The following PCDHA8 variants were observed in gnomAD, a reference collection of about 807,000 sequenced individuals.
PCDHA8 encodes protocadherin alpha 8.
Under a neutral mutation model 61.8 loss-of-function variants are expected in PCDHA8, and 53 were observed. That is an observed-to-expected ratio of 0.86 (90% CI 0.69 to 1.08). The LOEUF is 1.08. Among genes scored for constraint, PCDHA8 ranks in the 50% least tolerant of loss-of-function variants. The pLI, the probability that PCDHA8 is intolerant of heterozygous loss-of-function variation, is 0.00. For missense variants in PCDHA8, 1,293 were observed against 1,245.0 expected, an observed-to-expected ratio of 1.04 and a Z score of -0.58; for synonymous variants, 618 against 556.6, an observed-to-expected ratio of 1.11 and a Z score of -1.55.
chr5:140,851,773 T>C lies in PCDHA8; in HGVS notation c.2394+8058T>C. On this transcript the variant is annotated intron_variant, in intron 1 of 3. Transcript: ENST00000531613. ...TAACTTAAAACATTACCCTTATGAA[T>C]TTAGATGAGAATTCACTTGTTCTGT... 11 of 967,796 alleles carry C rather than the reference T, an allele frequency of 1.1e-5. 2 individuals carry two copies. The highest frequency in any genetic ancestry group is 1.4e-5 in the Non-Finnish European group (11 of 800,744). The allele number at this position is 967,796 out of a possible 1,614,324, so 60.0% of individuals were successfully genotyped here.
At chr5:140,893,141 C>A (rs1412974583) in intron 1 of PCDHA8, among the ~76,000 whole-genome samples, 1 of 152,192 alleles carries the variant, frequency 6.6e-6, no homozygotes, top group African/African-American at 2.4e-5. Flanking sequence ...TTTATCCACT[C>A]ATCTGTTGAT....
chr5:140,972,758 A>G lies in PCDHA8; in HGVS notation c.2395-6191A>G, dbSNP rs563540989. Among the ~76,000 whole-genome samples, 16 of 150,884 alleles carry G rather than the reference A, an allele frequency of 1.1e-4. No individual in the cohort carries two copies. In the South Asian group the frequency reaches 3.4e-3, roughly 32 times the overall value. On this transcript the variant is annotated intron_variant, in intron 1 of 3. Transcript: ENST00000531613. ...GGCTCACTGCAACCTCCGCCTCCCA[A>G]GTTAAAGTGATTCTTCTGCCTCAGC...
Position 140,927,102 on chromosome 5 carries a change from A to G in PCDHA8, c.2395-51847A>G, listed in dbSNP as rs144696843. 1.4e-5 allele frequency: 23 copies of G among 1,613,520 alleles called. No individual in the cohort carries two copies. In the African/African-American group the frequency reaches 1.7e-4, roughly 12 times the overall value. ...GCGAGCTCTACTTCGGGGTGGATCTACCCAGCGGCAATTTGGTGGTCAGAG... is the reference window on the plus strand; with the variant it reads ...GCGAGCTCTACTTCGGGGTGGATCTGCCCAGCGGCAATTTGGTGGTCAGAG... On this transcript the variant is annotated intron_variant, in intron 1 of 3. Transcript: ENST00000531613.
chr5:140,848,256 A>T, intron 1 of PCDHA8: 1 of 476,798 alleles, frequency 2.1e-6, no homozygotes, highest in Admixed American at 3.8e-5. Context: ...ATAACTGTGA[A>T]ATTTTTATTC....
At chr5:140,927,167 C>G in intron 1 of PCDHA8, 3 of 1,614,164 alleles carry the variant, frequency 1.9e-6, no homozygotes, top group Non-Finnish European at 2.5e-6. Flanking sequence ...GCCAAAGCTG[C>G]CTGCGTCTTG....
chr5:140,967,040 C>G, intron 1 of PCDHA8: 1 of 1,611,752 alleles, frequency 6.2e-7, no homozygotes, highest in South Asian at 1.1e-5. Flanking sequence ...CTACCTGGAG[C>G]TGGACCTGAC....
chr5:140,883,658 G>C (rs573544891), intron 1 of PCDHA8: 2 of 1,613,994 alleles, frequency 1.2e-6, no homozygotes, highest in African/African-American at 2.7e-5. Context: ...CACGGTGTTC[G>C]TGAAGGAAAA....
intron 1 of PCDHA8, chr5:140,876,781 G>A: frequency 6.2e-7 from 1 of 1,614,240 alleles, no homozygotes; most frequent in Non-Finnish European, 8.5e-7. Flanking sequence ...TTCGCTGTGG[G>A]CCACGGCTAG....
At chr5:140,877,798 C>T in intron 1 of PCDHA8, 2 of 1,613,568 alleles carry the variant, frequency 1.2e-6, no homozygotes. Flanking sequence ...CAGCCCAAGC[C>T]TTCAGCTGTC....
intron 1 of PCDHA8, chr5:140,967,716 T>C: frequency 1.2e-6 from 2 of 1,613,914 alleles, no homozygotes; most frequent in Non-Finnish European, 1.7e-6. Context: ...ACCGGGGAAG[T>C]GCGAGTAATT....
chr5:140,864,619 T>A (rs895390232), intron 1 of PCDHA8: 2 of 152,222 alleles, frequency 1.3e-5, no homozygotes, highest in African/African-American at 4.8e-5. Flanking sequence ...TGTTCTTTTT[T>A]AAAAAGAAAA....
intron 1 of PCDHA8, chr5:140,860,091 C>A (rs1199656209): frequency 4.0e-5 from 6 of 150,914 alleles, no homozygotes; most frequent in African/African-American, 1.5e-4. Context: ...GAGTTCAAGA[C>A]CAACCTGGGC....
intron 1 of PCDHA8, among the ~76,000 whole-genome samples, chr5:140,957,571 G>C (rs2095367794): frequency 6.6e-6 from 1 of 152,186 alleles, no homozygotes; most frequent in South Asian, 2.1e-4. Context: ...AGGGACTACT[G>C]TACTTTTAAC....
intron 1 of PCDHA8, chr5:140,863,507 T>A: frequency 2.4e-6 from 1 of 420,150 alleles, no homozygotes. Flanking sequence ...CTTTTAGTCC[T>A]AGTGTTCTCC....
chr5:140,950,512 G>T (rs1239372084), intron 1 of PCDHA8, among the ~76,000 whole-genome samples: 11 of 152,016 alleles, frequency 7.2e-5, no homozygotes, highest in Non-Finnish European at 7.4e-5. Context: ...TATTCCCTGT[G>T]TGCGATATGA....
At chr5:140,924,477 T>C (rs1378646713) in intron 1 of PCDHA8, among the ~76,000 whole-genome samples, 1 of 152,230 alleles carries the variant, frequency 6.6e-6, no homozygotes, top group Admixed American at 6.5e-5. Context: ...AACTGGTTTT[T>C]AGTGGAACAC....
chr5:140,856,173 C>T (rs782775861), intron 1 of PCDHA8: 10 of 1,598,116 alleles, frequency 6.3e-6, no homozygotes, highest in African/African-American at 1.3e-5. Flanking sequence ...AGACACGGCA[C>T]CTTCGTGGGC....
chr5:140,877,371 G>C, intron 1 of PCDHA8: 2 of 1,613,994 alleles, frequency 1.2e-6, no homozygotes, highest in Non-Finnish European at 8.5e-7. Context: ...AGATCAGCAC[G>C]ACACGCATCC....
chr5:140,990,977 G>T (rs1554251868), intron 3 of PCDHA8, among the ~76,000 whole-genome samples: 1 of 152,156 alleles, frequency 6.6e-6, no homozygotes, highest in African/African-American at 2.4e-5. Context: ...CAAGAGAAAG[G>T]AAGACAATAG....
Sources: allele counts gnomAD v4.1 joint callset (sites outside exome capture counted in the v4.1 genomes callset), GRCh38; gene constraint gnomAD v4.1.1; transcripts MANE v1.5; gene names NCBI Gene and HGNC (gene_info 2026-07-23, HGNC 2026-07-21).